The following STK32B variants were observed in gnomAD, a reference collection of about 807,000 sequenced individuals.
STK32B encodes serine/threonine kinase 32B, also known as serine/threonine-protein kinase 32B.
Under a neutral mutation model 52.6 loss-of-function variants are expected in STK32B, and 43 were observed. The observed-to-expected ratio is 0.82, with a 90% CI of 0.64 to 1.05. STK32B has a LOEUF of 1.05. Ranked by LOEUF, STK32B falls within the 50% of genes least tolerant of loss-of-function variation. The probability of loss-of-function intolerance (pLI) is 0.00; values close to 1 mark genes in which losing one functional copy is unlikely to be tolerated. For synonymous variants in STK32B, 238 were observed against 204.3 expected (o/e 1.17, Z -1.41); for missense variants, 621 against 534.6 (o/e 1.16, Z -1.59).
chr4:5,172,536 C>T lies in STK32B; in HGVS notation c.260+4086C>T, dbSNP rs531513972. Among the ~76,000 whole-genome samples, 1,318 of 152,186 alleles carry T rather than the reference C, an allele frequency of 8.7e-3. 17 individuals carry two copies. The highest frequency in any genetic ancestry group is 0.03 in the African/African-American group (1,231 of 41,532). On this transcript the variant is annotated intron_variant, in intron 3 of 11. Transcript: ENST00000282908. Reference sequence around the variant, plus strand: ...AGCATGAAGGGTTGTTGAATTTTGTCAAAGGCCTTTTCTGCATCTATTGAG... The same window carrying T: ...AGCATGAAGGGTTGTTGAATTTTGTTAAAGGCCTTTTCTGCATCTATTGAG...
intron 4 of STK32B, among the ~76,000 whole-genome samples, chr4:5,375,462 G>A (rs947827080): frequency 6.6e-6 from 1 of 152,012 alleles, no homozygotes; most frequent in Admixed American, 6.6e-5. Flanking sequence ...TTTTTACCCT[G>A]CTTTCTGAGA....
intron 3 of STK32B, among the ~76,000 whole-genome samples, chr4:5,251,990 A>G (rs544071827): frequency 6.6e-6 from 1 of 152,286 alleles, no homozygotes; most frequent in South Asian, 2.1e-4. Flanking sequence ...TTGTAAATGG[A>G]TATGTTTAAG....
chr4:5,403,310 G>C (rs1737436104), intron 5 of STK32B, among the ~76,000 whole-genome samples: 1 of 152,142 alleles, frequency 6.6e-6, no homozygotes, highest in South Asian at 2.1e-4. Context: ...ACTAGAGACA[G>C]CCCCTAAAAC....
chr4:5,224,596 T>G (rs534996291), intron 3 of STK32B, among the ~76,000 whole-genome samples: 91 of 152,306 alleles, frequency 6.0e-4, no homozygotes, highest in African/African-American at 2.0e-3. Context: ...ACTTCTTTAC[T>G]CCCTGGTGGT....
chr4:5,104,669 C>CT (rs1347394336), intron 1 of STK32B, among the ~76,000 whole-genome samples: 1 of 152,196 alleles, frequency 6.6e-6, no homozygotes, highest in Non-Finnish European at 1.5e-5. Context: ...TCAGAAGCCC[C>CT]TTTCATGACT....
chr4:5,343,024 T>C (rs546041204), intron 4 of STK32B, among the ~76,000 whole-genome samples: 1 of 152,286 alleles, frequency 6.6e-6, no homozygotes. Context: ...TATATATACA[T>C]GTGCCATGTT....
In STK32B at chr4:5,331,361, G is replaced by T. The variant is rs1267062532; in HGVS notation, c.402G>T (p.Leu134=). Residue 134 remains leucine (L), a synonymous_variant, in exon 4 of 12, where the codon CTG becomes CTT. Coordinates refer to ENST00000282908, the MANE Select transcript of STK32B (RefSeq NM_018401.3). ...ACATCTGTGAGCTGGCACTGGCCCT[G>T]GAGTATCTTCAGAGGTACCACATCA... ...KLYICELALA[L]EYLQRYHIIH... 5 of 1,613,502 alleles carry T rather than the reference G, an allele frequency of 3.1e-6. No homozygotes were observed. In the Admixed American group the frequency reaches 6.7e-5, roughly 22 times the overall value.
At chr4:5,059,247 A>C (rs571986756) in intron 1 of STK32B, among the ~76,000 whole-genome samples, 1 of 151,812 alleles carries the variant, frequency 6.6e-6, no homozygotes, top group South Asian at 2.1e-4. Flanking sequence ...ACCACAGTAT[A>C]ACCACGCCTA....
In STK32B at chr4:5,386,983, A is replaced by AGCCC. The variant is rs1236190116; in HGVS notation, c.435-11221_435-11218dup. Among the ~76,000 whole-genome samples, 3 of 152,208 alleles carry AGCCC rather than the reference A, an allele frequency of 2.0e-5. No individual in the cohort carries two copies. Among genetic ancestry groups the AGCCC allele is most frequent in the Admixed American group, 6.5e-5 (1 of 15,282 alleles). On this transcript the variant is annotated intron_variant, in intron 4 of 11. Coordinates refer to ENST00000282908, the MANE Select transcript of STK32B (RefSeq NM_018401.3). This position sits in a 1 kb window ranked among gnomAD's most constrained non-coding sequence, Gnocchi z 4.5. ...GCATCTCACAGGCCCAGCCACTTGG[A>AGCCC]GCCCGCTGGGAAGGCTGGATCCAGG... is the stretch of plus-strand genomic sequence containing the variant.
chr4:5,215,392 A>G (rs1013877989), intron 3 of STK32B, among the ~76,000 whole-genome samples: 1 of 152,190 alleles, frequency 6.6e-6, no homozygotes, highest in African/African-American at 2.4e-5. Context: ...GACTTCCAAC[A>G]TCATTTTGCC....
At chr4:5,244,615 C>T (rs1725306976) in intron 3 of STK32B, among the ~76,000 whole-genome samples, 1 of 152,158 alleles carries the variant, frequency 6.6e-6, no homozygotes. Flanking sequence ...TTGCCTTCTG[C>T]TAGCTTTTGA....
At position 5,446,686 on chromosome 4, in the gene STK32B, C is replaced by T. The variant is rs529797356; in HGVS notation, c.576C>T (p.Phe192=). ...TCTCGTTGGCAGCTCCAGAAGTATT[C>T]CAGGTGTACATGGACAGAGGCCCCG... is the stretch of plus-strand genomic sequence containing the variant. The part of the protein sequence containing the change: ...GTKPYMAPEV[F]QVYMDRGPGY... The change falls in exon 7 of 12, where the codon TTC becomes TTT. Residue 192 remains phenylalanine (F), a synonymous_variant. Coordinates refer to ENST00000282908, the MANE Select transcript of STK32B (RefSeq NM_018401.3). The T allele has an allele frequency of 1.2e-6, 2 of 1,613,886 alleles. No homozygotes were observed. Among genetic ancestry groups the T allele is most frequent in the Admixed American group, 1.7e-5 (1 of 60,002 alleles).
At chr4:5,352,756 C>A (rs927129767) in intron 4 of STK32B, among the ~76,000 whole-genome samples, 3 of 151,798 alleles carry the variant, frequency 2.0e-5, no homozygotes, top group Non-Finnish European at 2.9e-5. Context: ...TGGCTAGATA[C>A]AAAATCATCA....
chr4:5,026,187 G>GA, the STK32B span, among the ~76,000 whole-genome samples: 4 of 152,300 alleles, frequency 2.6e-5, no homozygotes, highest in Admixed American at 1.3e-4. Context: ...CATTTCAGGA[G>GA]AAAGAGCATT....
intron 3 of STK32B, among the ~76,000 whole-genome samples, chr4:5,310,247 A>C (rs1019499818): frequency 3.3e-5 from 5 of 152,150 alleles, no homozygotes; most frequent in Non-Finnish European, 7.4e-5. Context: ...GAGTAAATAA[A>C]CAACCTTCAG....
chr4:5,161,154 G>A (rs145977207), intron 2 of STK32B, among the ~76,000 whole-genome samples: 6 of 152,258 alleles, frequency 3.9e-5, no homozygotes, highest in Admixed American at 2.0e-4. Flanking sequence ...CCCATGGCAC[G>A]CACCTAATAC....
At chr4:5,205,362 C>A (rs1255878482) in intron 3 of STK32B, among the ~76,000 whole-genome samples, 1 of 152,182 alleles carries the variant, frequency 6.6e-6, no homozygotes, top group Non-Finnish European at 1.5e-5. Flanking sequence ...TAGTAAATCT[C>A]TTGTATCTAT....
intron 3 of STK32B, among the ~76,000 whole-genome samples, chr4:5,289,357 T>G (rs533908782): frequency 6.6e-6 from 1 of 152,130 alleles, no homozygotes; most frequent in East Asian, 1.9e-4. Flanking sequence ...GAGTGGTGAG[T>G]GAATGTGAGG....
intron 1 of STK32B, among the ~76,000 whole-genome samples, chr4:5,123,785 G>A (rs143224753): frequency 1.3e-5 from 2 of 152,042 alleles, no homozygotes; most frequent in African/African-American, 4.8e-5. Flanking sequence ...GAGGTACTGG[G>A]GGTTAGGATT....
Sources: gnomAD v4.1 joint callset for allele counts (sites outside exome capture counted in the v4.1 genomes callset) on GRCh38, gnomAD v4.1.1 for gene constraint, Gnocchi (gnomAD v3.1) non-coding constraint, MANE v1.5 for transcripts, NCBI Gene and HGNC (gene_info 2026-07-23, HGNC 2026-07-21) for gene names.